Variants in COPE observed in about 807,000 individuals in gnomAD.
COPE encodes the protein coatomer subunit epsilon.
Under a neutral mutation model 42.1 loss-of-function variants are expected in COPE, and 19 were observed. The ratio of observed to expected loss-of-function variants is 0.45; its 90% CI spans 0.31 to 0.66. The LOEUF is 0.66. Among genes scored for constraint, COPE ranks in the 30% least tolerant of loss-of-function variants. COPE has a pLI of 0.05. For missense variants in COPE, 402 were observed against 416.1 expected (o/e 0.97, Z 0.30); for synonymous variants, 195 against 181.3 (o/e 1.08, Z -0.60).
intron 8 of COPE, 78 bp from the exon 9 acceptor site, chr19:18,900,025 T>C: frequency 7.6e-7 from 1 of 1,316,844 alleles, no homozygotes; most frequent in Non-Finnish European, 1.1e-6. Context: ...CAGGGGTGGA[T>C]TGGGGTGAGA....
intron 5 of COPE, 59 bp from the exon 6 acceptor site, chr19:18,904,911 C>T: frequency 6.6e-7 from 1 of 1,510,150 alleles, no homozygotes; most frequent in East Asian, 2.5e-5. Flanking sequence ...CCTGGCCATC[C>T]CTGCCTTGTC....
intron 8 of COPE, 151 bp downstream of exon 8, chr19:18,900,229 TG>T (rs948003494): frequency 3.0e-6 from 2 of 665,962 alleles, no homozygotes; most frequent in Admixed American, 5.9e-5. Flanking sequence ...GAGGATGGGT[TG>T]GGGGGCACAG....
Position 18,907,044 on chromosome 19 carries a change from A to C in COPE, c.359T>G (p.Leu120Arg). The C allele has an allele frequency of 6.2e-7, 1 of 1,607,076 alleles. No homozygotes were observed. Among genetic ancestry groups the C allele is most frequent in the East Asian group, 2.2e-5 (1 of 44,618 alleles). The change falls in exon 4 of 10, where the codon CTG becomes CGG. Residue 120 changes from leucine (L) to arginine (R), a missense_variant. Leu to Arg is a moderately radical substitution (Grantham distance 102). Transcript: ENST00000262812. Reference sequence around the variant, plus strand: ...GAGATAGATGGAGGCGGCCATGAGCAGGAAGGTGGTGTTGGTCACGTCCAC... The same window carrying C: ...GAGATAGATGGAGGCGGCCATGAGCCGGAAGGTGGTGTTGGTCACGTCCAC... ...RSVDVTNTTF[L>R]LMAASIYLHD...
intron 7 of COPE, among the ~76,000 whole-genome samples, chr19:18,901,903 G>A (rs931024038): frequency 1.3e-5 from 2 of 152,192 alleles, no homozygotes; most frequent in Non-Finnish European, 2.9e-5. Context: ...AATCCAGGCT[G>A]GGCACAGTGG....
intron 4 of COPE, 41 bp from the exon 5 acceptor site, chr19:18,905,670 G>A (rs754891798): frequency 5.1e-6 from 8 of 1,571,772 alleles, no homozygotes; most frequent in Non-Finnish European, 6.9e-6. Context: ...GGTCGCCACA[G>A]ACACATTGCA....
At chr19:18,907,549 G>A (rs11880622) in intron 3 of COPE, among the ~76,000 whole-genome samples, 2,399 of 152,292 alleles carry the variant, frequency 0.016, 70 homozygotes, top group African/African-American at 0.054. Flanking sequence ...CCACTGCCAG[G>A]GCAGCTGCCC....
At chr19:18,908,246 T>C (rs1237768920) in intron 3 of COPE, among the ~76,000 whole-genome samples, 2 of 151,930 alleles carry the variant, frequency 1.3e-5, no homozygotes, top group African/African-American at 2.4e-5. Context: ...CTGGGCAACA[T>C]AGTAGGACCC....
chr19:18,919,181 C>A, intron 1 of COPE, 42 bp downstream of exon 1: 3 of 1,574,670 alleles, frequency 1.9e-6, no homozygotes, highest in Non-Finnish European at 2.6e-6. Flanking sequence ...AAGCGTCCTC[C>A]GCCTCCGCCC....
rs1219860714 is a variant in COPE, at chr19:18,902,716, AAAGGAAAGGAAGGAAAGG to A, written c.735+534_735+551del. Among the ~76,000 whole-genome samples, 5 of 31,830 alleles carry A rather than the reference AAAGGAAAGGAAGGAAAGG, an allele frequency of 1.6e-4. 1 individual carries two copies. Among genetic ancestry groups the A allele is most frequent in the East Asian group, 3.5e-4 (1 of 2,892 alleles). The allele number at this position is 31,830 out of a possible 152,430, so 20.9% of individuals were successfully genotyped here. A position where few individuals can be genotyped will look rare whatever the true frequency, so the allele number is the denominator to read the frequency against. ...AGGAAGGAAAGGAAGGAAAGGAAGG[AAAGGAAAGGAAGGAAAGG>A]AAGGAAAGGAAGGAAAGGAAGGAAG... On this transcript the variant is annotated intron_variant, in intron 7 of 9. Coordinates refer to ENST00000262812, the MANE Select transcript of COPE (RefSeq NM_007263.4).
At chr19:18,917,169 CTT>C (rs1334457427) in intron 1 of COPE, among the ~76,000 whole-genome samples, 1 of 141,314 alleles carries the variant, frequency 7.1e-6, no homozygotes, top group African/African-American at 2.6e-5. Flanking sequence ...CTCCCTCTGC[CTT>C]TTTTTTTTTC....
intron 2 of COPE, chr19:18,911,352 G>A (rs909836321): frequency 1.3e-5 from 6 of 454,364 alleles, no homozygotes; most frequent in Non-Finnish European, 2.5e-5. Context: ...CACCTCTGGT[G>A]GTGAGGTGAA....
chr19:18,903,107 C>T (rs953165548), intron 7 of COPE, among the ~76,000 whole-genome samples, 161 bp downstream of exon 7: 5 of 152,126 alleles, frequency 3.3e-5, no homozygotes, highest in African/African-American at 1.2e-4. Flanking sequence ...AGGTGAGATC[C>T]CTGCTTTGTG....
chr19:18,911,007 C>A lies in COPE; in HGVS notation c.254G>T (p.Arg85Leu), dbSNP rs34510432. The A allele has an allele frequency of 1.9e-6, 3 of 1,614,006 alleles. No homozygotes were observed. Among genetic ancestry groups the A allele is most frequent in the South Asian group, 1.1e-5 (1 of 91,092 alleles). The part of the protein sequence containing the change: ...PSSAPELQAV[R>L]MFADYLAHES... Reference sequence around the variant, plus strand: ...GTGGGCGAGGTAGTCAGCAAACATGCGCACGGCCTGGAGCTCAGGGGCCGA... The same window carrying A: ...GTGGGCGAGGTAGTCAGCAAACATGAGCACGGCCTGGAGCTCAGGGGCCGA... The change falls in exon 3 of 10, where the codon CGC becomes CTC. Residue 85 changes from arginine (R) to leucine (L), a missense_variant. Transcript: ENST00000262812.
intron 8 of COPE, 124 bp from the exon 9 acceptor site, chr19:18,900,071 G>A (rs750577282): frequency 2.4e-4 from 188 of 794,868 alleles, no homozygotes; most frequent in Non-Finnish European, 2.4e-4. Flanking sequence ...ACCCTGCCTT[G>A]GGACTGGGCT....
At chr19:18,904,237 T>C (rs993704700) in intron 6 of COPE, among the ~76,000 whole-genome samples, 1 of 152,224 alleles carries the variant, frequency 6.6e-6, no homozygotes, top group Non-Finnish European at 1.5e-5. Flanking sequence ...AGTGCTGGGA[T>C]TACAGGCGTG....
chr19:18,914,427 G>A (rs1392176218), intron 1 of COPE, among the ~76,000 whole-genome samples: 5 of 151,992 alleles, frequency 3.3e-5, no homozygotes, highest in Non-Finnish European at 7.4e-5. Flanking sequence ...TATAATCCCA[G>A]CTACTCAGGA....
At chr19:18,903,569 G>A in intron 6 of COPE, 146 bp from the exon 7 acceptor site, 1 of 970,680 alleles carries the variant, frequency 1.0e-6, no homozygotes, top group Non-Finnish European at 1.5e-6. Flanking sequence ...TCCGCCATGG[G>A]GACTACCCGT....
At chr19:18,908,408 C>CA (rs1270662202) in intron 3 of COPE, among the ~76,000 whole-genome samples, 1 of 151,924 alleles carries the variant, frequency 6.6e-6, no homozygotes, top group Non-Finnish European at 1.5e-5. Context: ...GCCTGGGTGA[C>CA]AGAGGGAGAC....
At chr19:18,905,683 G>A (rs2056752285) in intron 4 of COPE, 54 bp from the exon 5 acceptor site, 3 of 1,537,412 alleles carry the variant, frequency 2.0e-6, no homozygotes, top group Admixed American at 1.9e-5. Flanking sequence ...ACATTGCATG[G>A]CCGCTCCACA....
Sources: allele counts gnomAD v4.1 joint callset (sites outside exome capture counted in the v4.1 genomes callset), GRCh38; gene constraint gnomAD v4.1.1; transcripts MANE v1.5; gene names NCBI Gene and HGNC (gene_info 2026-07-23, HGNC 2026-07-21).